The following ZMYM2 variants were observed in gnomAD, a reference collection of about 807,000 sequenced individuals.
ZMYM2 encodes the protein zinc finger MYM-type containing 2.
In ZMYM2, 56 loss-of-function variants were observed where a neutral mutation model predicts 162.8. The observed-to-expected ratio is 0.34, with a 90% CI of 0.28 to 0.43. The LOEUF is 0.43. Among genes scored for constraint, ZMYM2 ranks in the 20% least tolerant of loss-of-function variants. The pLI is 1.00. For synonymous variants in ZMYM2, 510 were observed against 541.6 expected (o/e 0.94, Z 0.81); for missense variants, 1,275 against 1,621.8 (o/e 0.79, Z 3.67).
intron 7 of ZMYM2, among the ~76,000 whole-genome samples, chr13:20,022,674 G>T (rs1952223484): frequency 6.6e-6 from 1 of 152,120 alleles, no homozygotes; most frequent in African/African-American, 2.4e-5. Flanking sequence ...TTTTTTCTCT[G>T]CACAGACAAA....
At chr13:19,865,615 T>G in the ZMYM2 span, among the ~76,000 whole-genome samples, 1 of 152,214 alleles carries the variant, frequency 6.6e-6, no homozygotes, top group Non-Finnish European at 1.5e-5. Flanking sequence ...AAACTTTAAA[T>G]GGTAAGCTCA....
At chr13:20,060,938 A>C in intron 16 of ZMYM2, 115 bp from the exon 17 acceptor site, 2 of 1,006,924 alleles carry the variant, frequency 2.0e-6, no homozygotes, top group Admixed American at 2.8e-5. Flanking sequence ...GTTCTTTTCA[A>C]AGCTTTTATC....
Position 20,032,046 on chromosome 13 carries a change from T to G in ZMYM2, c.1968+611T>G, listed in dbSNP as rs1009981522. On this transcript the variant is annotated intron_variant, in intron 10 of 24. Coordinates refer to ENST00000610343, the MANE Select transcript of ZMYM2 (RefSeq NM_197968.4). ...CCACCATGCCCAGCTAATTTTTGTATTTTTAGTAGAGACGGGGTTTCACCA... is the reference window on the plus strand; with the variant it reads ...CCACCATGCCCAGCTAATTTTTGTAGTTTTAGTAGAGACGGGGTTTCACCA... 7.2e-5 allele frequency among the ~76,000 whole-genome samples: 11 copies of G among 151,934 alleles called. 1 individual carries two copies. Among genetic ancestry groups the G allele is most frequent in the African/African-American group, 2.7e-4 (11 of 41,340 alleles).
At chr13:20,058,734 T>A in intron 15 of ZMYM2, 30 bp downstream of exon 15, 1 of 1,610,048 alleles carries the variant, frequency 6.2e-7, no homozygotes, top group South Asian at 1.1e-5. Flanking sequence ...CTTACATACT[T>A]CCCCATACCT....
chr13:20,079,715 AACC>A (rs760606459), intron 21 of ZMYM2, among the ~76,000 whole-genome samples: 33 of 152,320 alleles, frequency 2.2e-4, no homozygotes, highest in Non-Finnish European at 4.3e-4. Flanking sequence ...TGCCTAGAGA[AACC>A]TTTTCAGGAG....
intron 10 of ZMYM2, 69 bp from the exon 11 acceptor site, chr13:20,034,185 G>A (rs2140341170): frequency 7.6e-7 from 1 of 1,314,668 alleles, no homozygotes; most frequent in South Asian, 2.1e-5. Flanking sequence ...CTTTGCTTCT[G>A]TAAAAGTGGC....
chr13:19,884,647 C>T, the ZMYM2 span, among the ~76,000 whole-genome samples: 5 of 152,114 alleles, frequency 3.3e-5, no homozygotes, highest in African/African-American at 1.2e-4. Context: ...TTAGTTTGGT[C>T]CTTCCGGTGT....
chr13:19,937,007 A>T, the ZMYM2 span, among the ~76,000 whole-genome samples: 1 of 152,098 alleles, frequency 6.6e-6, no homozygotes, highest in Non-Finnish European at 1.5e-5. Context: ...TCTAATTTAA[A>T]TGATTTTTCA....
At chr13:19,973,098 G>A (rs1417388349) in intron 2 of ZMYM2, among the ~76,000 whole-genome samples, 1 of 151,596 alleles carries the variant, frequency 6.6e-6, no homozygotes, top group Non-Finnish European at 1.5e-5. Context: ...CACCAGGCTT[G>A]GCTAAGTTTT....
At chr13:19,948,174 G>A in the ZMYM2 span, among the ~76,000 whole-genome samples, 2 of 152,152 alleles carry the variant, frequency 1.3e-5, no homozygotes, top group African/African-American at 4.8e-5. Context: ...AATTCCACTC[G>A]AGAAGACAGT....
intron 2 of ZMYM2, among the ~76,000 whole-genome samples, chr13:19,971,258 ATATATTTTTT>A (rs1328313316): frequency 9.6e-6 from 1 of 104,204 alleles, no homozygotes. Context: ...ATATATATAT[ATATATTTTTT>A]TTTTTTTTTT....
chr13:19,896,542 G>A, the ZMYM2 span, among the ~76,000 whole-genome samples: 1 of 149,784 alleles, frequency 6.7e-6, no homozygotes, highest in Non-Finnish European at 1.5e-5. Flanking sequence ...AGATCACAAG[G>A]TCAGGAGATC....
chr13:20,083,220 G>T (rs1237023318), intron 23 of ZMYM2, among the ~76,000 whole-genome samples, 188 bp downstream of exon 23: 1 of 152,108 alleles, frequency 6.6e-6, no homozygotes, highest in African/African-American at 2.4e-5. Flanking sequence ...GCGCCACCAT[G>T]CCTGGCTAAC....
At chr13:20,071,545 G>C (rs1327409975) in intron 21 of ZMYM2, among the ~76,000 whole-genome samples, 3 of 152,306 alleles carry the variant, frequency 2.0e-5, no homozygotes, top group East Asian at 3.9e-4. Context: ...CTAATAAAAG[G>C]CTGAGGTGAA....
chr13:20,021,449 G>T (rs1464918126), intron 7 of ZMYM2, among the ~76,000 whole-genome samples: 1 of 150,440 alleles, frequency 6.6e-6, no homozygotes, highest in African/African-American at 2.4e-5. Context: ...TTGGTTGCTG[G>T]ATTTTGTTGT....
chr13:19,884,612 T>C, the ZMYM2 span, among the ~76,000 whole-genome samples: 1 of 151,926 alleles, frequency 6.6e-6, no homozygotes, highest in Non-Finnish European at 1.5e-5. Context: ...CGGTGAGTAT[T>C]ACAGCTGTTA....
the ZMYM2 span, among the ~76,000 whole-genome samples, chr13:19,886,392 G>A: frequency 1.3e-5 from 2 of 151,528 alleles, no homozygotes; most frequent in Non-Finnish European, 2.9e-5. Context: ...TCAAACTCCC[G>A]ACCTCGGTGA....
intron 17 of ZMYM2, among the ~76,000 whole-genome samples, chr13:20,061,550 A>G (rs1022425677): frequency 6.6e-6 from 1 of 152,108 alleles, no homozygotes; most frequent in Non-Finnish European, 1.5e-5. Context: ...ATGATGATCA[A>G]AACTCTTATT....
At chr13:19,866,557 C>T in the ZMYM2 span, among the ~76,000 whole-genome samples, 169 of 150,796 alleles carry the variant, frequency 1.1e-3, no homozygotes, top group Middle Eastern at 7.1e-3. Flanking sequence ...TCCAGATACT[C>T]GGGAGGCTGA....
Sources: gnomAD v4.1 joint callset for allele counts (sites outside exome capture counted in the v4.1 genomes callset) on GRCh38, gnomAD v4.1.1 for gene constraint, MANE v1.5 for transcripts, NCBI Gene and HGNC (gene_info 2026-07-23, HGNC 2026-07-21) for gene names.